The following ZBTB7C variants were observed in gnomAD, a reference collection of about 807,000 sequenced individuals.
ZBTB7C encodes the protein zinc finger and BTB domain-containing protein 7C.
ZBTB7C carries 8 observed loss-of-function variants against 25.7 expected under a neutral mutation model. The ratio of observed to expected loss-of-function variants is 0.31; its 90% CI spans 0.18 to 0.56. The LOEUF (loss-of-function observed/expected upper bound fraction) is 0.56, where lower values mean the gene tolerates loss of function less well. ZBTB7C is among the 20% of genes least tolerant of loss of function. The pLI is 0.91. For synonymous variants in ZBTB7C, 394 were observed against 369.0 expected (o/e 1.07, Z -0.78); for missense variants, 824 against 855.2 (o/e 0.96, Z 0.46).
chr18:48,347,124 G>GTTTTTTTTTTT (rs1158209713), intron 1 of ZBTB7C, among the ~76,000 whole-genome samples: 110 of 80,456 alleles, frequency 1.4e-3, no homozygotes, highest in East Asian at 1.8e-3. Flanking sequence ...GTTTTTGTTT[G>GTTTTTTTTTTT]TTTTTTTTTT....
chr18:48,290,076 G>A (rs2045176494), intron 2 of ZBTB7C, among the ~76,000 whole-genome samples: 1 of 152,172 alleles, frequency 6.6e-6, no homozygotes. Flanking sequence ...TCTTTATAGG[G>A]TTCTTGTGTA....
intron 3 of ZBTB7C, among the ~76,000 whole-genome samples, chr18:48,092,674 GAAGAA>G (rs2038462982): frequency 6.6e-6 from 1 of 152,230 alleles, no homozygotes; most frequent in Admixed American, 6.5e-5. Context: ...GTTTACGCCA[GAAGAA>G]TAGAGGGGGA....
At chr18:48,407,258 A>C (rs1331713294) in intron 1 of ZBTB7C, among the ~76,000 whole-genome samples, 2 of 152,230 alleles carry the variant, frequency 1.3e-5, no homozygotes, top group South Asian at 4.1e-4. Flanking sequence ...CATCCTATGG[A>C]AAGTGGGTGC....
chr18:48,038,285 C>T (rs931449504), intron 4 of ZBTB7C, among the ~76,000 whole-genome samples: 7 of 152,170 alleles, frequency 4.6e-5, no homozygotes, highest in African/African-American at 1.7e-4. Flanking sequence ...TCTGCTCCTG[C>T]AGATTCTCCC....
rs190015357 is a variant in ZBTB7C at position 48,214,215 on chromosome 18, C to A, written c.-78-28220G>T. The stretch of plus-strand genomic sequence containing the variant: ...CATTAAACACATTTACATTGTTGGG[C>A]AACTATCCCCACCATCCACCTCCAG... On this transcript the variant is annotated intron_variant, in intron 2 of 4. Transcript: ENST00000590800. Among the ~76,000 whole-genome samples the A allele has an allele frequency of 3.0e-4, 45 of 152,282 alleles. 1 individual carries two copies. Among genetic ancestry groups the A allele is most frequent in the African/African-American group, 1.1e-3 (44 of 41,566 alleles).
intron 2 of ZBTB7C, among the ~76,000 whole-genome samples, chr18:48,288,531 T>C (rs2144674033): frequency 6.7e-6 from 1 of 149,976 alleles, no homozygotes; most frequent in East Asian, 1.9e-4. Context: ...TTGTGGACAC[T>C]TGTAATCCCA....
rs188649346 is a variant in ZBTB7C, at chr18:48,384,315, G to A, written c.-304+24911C>T. Among the ~76,000 whole-genome samples, 167 of 152,306 alleles carry A rather than the reference G, an allele frequency of 1.1e-3. 1 individual carries two copies. The highest frequency in any genetic ancestry group is 3.9e-3 in the African/African-American group (164 of 41,562). Reference sequence around the variant, plus strand: ...GCATAGCTTTAAGACAAATCTATCCGCACTCATACCTAGGAGCCAGACTGC... The same window carrying A: ...GCATAGCTTTAAGACAAATCTATCCACACTCATACCTAGGAGCCAGACTGC... On this transcript the variant is annotated intron_variant, in intron 1 of 4. Transcript: ENST00000590800.
chr18:48,366,147 C>A (rs1247143142), intron 1 of ZBTB7C, among the ~76,000 whole-genome samples: 1 of 152,186 alleles, frequency 6.6e-6, no homozygotes, highest in Non-Finnish European at 1.5e-5. Flanking sequence ...CAGCTGCCAT[C>A]TGCAATTTGC....
At chr18:48,276,304 T>A (rs1423640446) in intron 2 of ZBTB7C, among the ~76,000 whole-genome samples, 4 of 151,826 alleles carry the variant, frequency 2.6e-5, no homozygotes, top group African/African-American at 9.7e-5. Flanking sequence ...CTTTTTTATT[T>A]ATTTATTTAT....
intron 2 of ZBTB7C, among the ~76,000 whole-genome samples, chr18:48,236,613 G>A (rs1047739570): frequency 6.6e-6 from 1 of 152,104 alleles, no homozygotes; most frequent in Non-Finnish European, 1.5e-5. Context: ...GATTTCAACT[G>A]GCAGACCCTC....
At chr18:48,355,937 G>T (rs555320087) in intron 1 of ZBTB7C, among the ~76,000 whole-genome samples, 1 of 152,172 alleles carries the variant, frequency 6.6e-6, no homozygotes, top group Non-Finnish European at 1.5e-5. Flanking sequence ...AGAAGTTCAC[G>T]TTGGCTTTCT....
chr18:48,406,305 C>G (rs982624373), intron 1 of ZBTB7C, among the ~76,000 whole-genome samples: 14 of 152,222 alleles, frequency 9.2e-5, no homozygotes, highest in Admixed American at 6.5e-5. Flanking sequence ...CTTCATACCC[C>G]CTTCACACCG....
chr18:48,071,984 G>C (rs1449120941), intron 3 of ZBTB7C, among the ~76,000 whole-genome samples: 1 of 152,186 alleles, frequency 6.6e-6, no homozygotes, highest in Non-Finnish European at 1.5e-5. Context: ...AGTTTCATTT[G>C]GGATGCTAAA....
intron 3 of ZBTB7C, among the ~76,000 whole-genome samples, chr18:48,076,554 C>T (rs2037772209): frequency 6.6e-6 from 1 of 152,186 alleles, no homozygotes; most frequent in African/African-American, 2.4e-5. Flanking sequence ...ATATTCCCTG[C>T]TTTCCAAGCA....
At chr18:48,376,345 C>T (rs1338683526) in intron 1 of ZBTB7C, among the ~76,000 whole-genome samples, 3 of 152,186 alleles carry the variant, frequency 2.0e-5, no homozygotes, top group South Asian at 2.1e-4. Flanking sequence ...AAGGGTTTTC[C>T]GGGCCTCTCC....
At chr18:48,274,478 C>T (rs879034873) in intron 2 of ZBTB7C, among the ~76,000 whole-genome samples, 2 of 152,142 alleles carry the variant, frequency 1.3e-5, no homozygotes, top group African/African-American at 4.8e-5. Context: ...ACCAGGATGA[C>T]TCAGCAGGTG....
chr18:48,180,573 G>A (rs1165149421), intron 3 of ZBTB7C: 1 of 347,874 alleles, frequency 2.9e-6, no homozygotes, highest in Non-Finnish European at 5.6e-6. Flanking sequence ...AGCCCCAAGG[G>A]CCCAGGAGGG....
chr18:48,037,249 TG>T (rs758995837), intron 4 of ZBTB7C, among the ~76,000 whole-genome samples: 2 of 152,188 alleles, frequency 1.3e-5, no homozygotes, highest in Non-Finnish European at 2.9e-5. Context: ...GAGACAGGCC[TG>T]GGGCCAGATG....
chr18:48,144,107 C>T (rs1199003159), intron 3 of ZBTB7C, among the ~76,000 whole-genome samples: 2 of 152,016 alleles, frequency 1.3e-5, no homozygotes, highest in Non-Finnish European at 2.9e-5. Context: ...GTGAAAGCCC[C>T]ATCTTTACTA....
Sources: gnomAD v4.1 joint callset for allele counts (sites outside exome capture counted in the v4.1 genomes callset) on GRCh38, gnomAD v4.1.1 for gene constraint, MANE v1.5 for transcripts, NCBI Gene and HGNC (gene_info 2026-07-23, HGNC 2026-07-21) for gene names.